TECRL: variants seen among roughly 807,000 people sequenced by gnomAD.
TECRL encodes the protein trans-2,3-enoyl-CoA reductase like, also known as trans-2,3-enoyl-CoA reductase-like.
TECRL carries 63 observed loss-of-function variants against 52.8 expected under a neutral mutation model. The observed-to-expected ratio is 1.19, with a 90% CI of 0.97 to 1.47. The LOEUF is 1.47. TECRL is among the 40% of genes most tolerant of loss of function. TECRL has a pLI of 0.00. For synonymous variants in TECRL, 164 were observed against 141.9 expected (o/e 1.16, Z -1.10); for missense variants, 482 against 429.6 (o/e 1.12, Z -1.08).
intron 1 of TECRL, among the ~76,000 whole-genome samples, chr4:64,405,344 G>A (rs1189243024): frequency 1.3e-5 from 2 of 152,082 alleles, no homozygotes; most frequent in African/African-American, 4.8e-5. Context: ...ATTCAGGAGT[G>A]CTAGAAGTAG....
Position 64,306,828 on chromosome 4 carries a change from A to G in TECRL, c.658-1590T>C, listed in dbSNP as rs574888932. 7.2e-5 allele frequency among the ~76,000 whole-genome samples: 11 copies of G among 152,290 alleles called. No homozygotes were observed. In the South Asian group the frequency reaches 1.9e-3, roughly 26 times the overall value. ...TGTGAGAAATCAATTTTCTTCTCCT[A>G]GGAGGCTTATTTTGAGGGATGCTCA... On this transcript the variant is annotated intron_variant, in intron 6 of 11. Transcript: ENST00000381210.
At chr4:64,352,691 T>C (rs764077837) in intron 2 of TECRL, among the ~76,000 whole-genome samples, 9 of 152,194 alleles carry the variant, frequency 5.9e-5, no homozygotes, top group Non-Finnish European at 1.5e-5. Context: ...AAAGCATGTA[T>C]ATGCTCATGC....
intron 1 of TECRL, among the ~76,000 whole-genome samples, chr4:64,403,468 C>T (rs1178011906): frequency 7.5e-6 from 1 of 133,016 alleles, no homozygotes; most frequent in Non-Finnish European, 1.7e-5. Flanking sequence ...TTCTTCCCTC[C>T]CTGAGCGCAC....
At chr4:64,402,944 A>T (rs1360880547) in intron 1 of TECRL, among the ~76,000 whole-genome samples, 1 of 152,096 alleles carries the variant, frequency 6.6e-6, no homozygotes, top group Non-Finnish European at 1.5e-5. Flanking sequence ...AAACTCAATG[A>T]ATATCACACC....
rs146462927 is a variant in TECRL, at chr4:64,350,219, T to A, written c.287-21663A>T. On this transcript the variant is annotated intron_variant, in intron 2 of 11. Coordinates refer to ENST00000381210, the MANE Select transcript of TECRL (RefSeq NM_001010874.5). ...ATCCTGTGAAAACATTGTCATTGAT[T>A]TATTTTCTCAACAAGAGAAATAATT... Among the ~76,000 whole-genome samples, 491 of 152,318 alleles carry A rather than the reference T, an allele frequency of 3.2e-3. 2 individuals carry two copies. The highest frequency in any genetic ancestry group is 0.011 in the African/African-American group (474 of 41,572).
intron 2 of TECRL, among the ~76,000 whole-genome samples, chr4:64,358,922 A>T (rs1326327213): frequency 1.3e-5 from 2 of 151,866 alleles, no homozygotes; most frequent in Admixed American, 1.3e-4. Flanking sequence ...AATAAATGAT[A>T]TTTTAAATCA....
chr4:64,347,874 A>G (rs1720100771), intron 2 of TECRL, among the ~76,000 whole-genome samples: 1 of 152,156 alleles, frequency 6.6e-6, no homozygotes, highest in Non-Finnish European at 1.5e-5. Flanking sequence ...GTCTTTTCAC[A>G]TTAAAACCAA....
intron 2 of TECRL, among the ~76,000 whole-genome samples, chr4:64,361,839 C>T (rs774153440): frequency 6.6e-6 from 1 of 152,082 alleles, no homozygotes; most frequent in Non-Finnish European, 1.5e-5. Flanking sequence ...GCACTAACTC[C>T]CCAGCAATAG....
At chr4:64,405,041 A>T (rs1034075166) in intron 1 of TECRL, among the ~76,000 whole-genome samples, 1 of 152,112 alleles carries the variant, frequency 6.6e-6, no homozygotes, top group Non-Finnish European at 1.5e-5. Flanking sequence ...TTTTGTGCTT[A>T]TATACTAAGG....
In TECRL at chr4:64,279,957, A is replaced by T; in HGVS notation, c.*115T>A. ...ATTTTACTATTTTATATTTTTACTC[A>T]GTGTATATACTGTTGCTCATGAATT... On this transcript the variant is annotated 3_prime_UTR_variant, in exon 12 of 12. Transcript: ENST00000381210. The T allele has an allele frequency of 7.8e-7, 1 of 1,278,648 alleles. No homozygotes were observed. The highest frequency in any genetic ancestry group is 1.0e-6 in the Non-Finnish European group (1 of 1,001,332). The allele number at this position is 1,278,648 out of a possible 1,614,324, so 79.2% of individuals were successfully genotyped here.
At chr4:64,349,778 A>G (rs949109410) in intron 2 of TECRL, among the ~76,000 whole-genome samples, 12 of 152,236 alleles carry the variant, frequency 7.9e-5, no homozygotes, top group Admixed American at 7.2e-4. Context: ...CATGAATTGA[A>G]TTCCAACATT....
At chr4:64,348,439 C>T (rs538035334) in intron 2 of TECRL, among the ~76,000 whole-genome samples, 1 of 152,146 alleles carries the variant, frequency 6.6e-6, no homozygotes, top group African/African-American at 2.4e-5. Context: ...GTACACAGAG[C>T]CAAACCATAT....
intron 3 of TECRL, among the ~76,000 whole-genome samples, chr4:64,328,261 T>C (rs1358251955): frequency 6.6e-6 from 1 of 151,900 alleles, no homozygotes; most frequent in African/African-American, 2.4e-5. Flanking sequence ...AGACGACCAG[T>C]TAAAGCTTCA....
chr4:64,356,495 T>C (rs1720783750), intron 2 of TECRL, among the ~76,000 whole-genome samples: 1 of 152,186 alleles, frequency 6.6e-6, no homozygotes, highest in South Asian at 2.1e-4. Flanking sequence ...TGCTGCTTTG[T>C]TATTCTTTAC....
At chr4:64,280,658 T>C (rs1425295279) in intron 11 of TECRL, among the ~76,000 whole-genome samples, 1 of 152,122 alleles carries the variant, frequency 6.6e-6, no homozygotes, top group Non-Finnish European at 1.5e-5. Flanking sequence ...TAGTGTGTGT[T>C]AAAATGCTCA....
chr4:64,406,242 T>C (rs576394564), intron 1 of TECRL, among the ~76,000 whole-genome samples: 15 of 152,018 alleles, frequency 9.9e-5, no homozygotes, highest in African/African-American at 3.6e-4. Flanking sequence ...AGGACTTTTC[T>C]CAAAATTTTT....
intron 4 of TECRL, 96 bp downstream of exon 4, chr4:64,322,593 G>T: frequency 1.3e-6 from 1 of 761,248 alleles, no homozygotes; most frequent in Non-Finnish European, 1.9e-6. Flanking sequence ...ACTACATTTT[G>T]TTTCGCTATG....
At chr4:64,389,504 T>C (rs1278484051) in intron 1 of TECRL, among the ~76,000 whole-genome samples, 1 of 152,000 alleles carries the variant, frequency 6.6e-6, no homozygotes, top group East Asian at 1.9e-4. Flanking sequence ...TTATACAGTG[T>C]TAAATTCATA....
At chr4:64,348,302 C>T (rs566820652) in intron 2 of TECRL, among the ~76,000 whole-genome samples, 9 of 152,212 alleles carry the variant, frequency 5.9e-5, no homozygotes, top group African/African-American at 2.2e-4. Flanking sequence ...TTTATGAAAC[C>T]ATCAGATCTT....
Sources: allele counts gnomAD v4.1 joint callset (sites outside exome capture counted in the v4.1 genomes callset), GRCh38; gene constraint gnomAD v4.1.1; transcripts MANE v1.5; gene names NCBI Gene and HGNC (gene_info 2026-07-23, HGNC 2026-07-21).